Variants in HECW2 observed in about 807,000 individuals in gnomAD.
The protein encoded by HECW2 is HECT, C2 and WW domain containing E3 ubiquitin protein ligase 2, also known as E3 ubiquitin-protein ligase HECW2.
In HECW2, 61 loss-of-function variants were observed where a neutral mutation model predicts 175.2. The ratio of observed to expected loss-of-function variants is 0.35; its 90% CI spans 0.28 to 0.43. The LOEUF is 0.43. Among genes scored for constraint, HECW2 ranks in the 20% least tolerant of loss-of-function variants. HECW2 has a pLI of 1.00. For missense variants in HECW2, 1,524 were observed against 2,000.5 expected (o/e 0.76, Z 4.54); for synonymous variants, 671 against 731.0 (o/e 0.92, Z 1.32).
intron 1 of HECW2, among the ~76,000 whole-genome samples, chr2:196,475,177 T>C (rs924847547): frequency 6.6e-6 from 1 of 151,980 alleles, no homozygotes; most frequent in Non-Finnish European, 1.5e-5. Flanking sequence ...TGTACCCTTA[T>C]AGAGTTGAAC....
intron 19 of HECW2, among the ~76,000 whole-genome samples, chr2:196,251,671 T>C (rs1458440762): frequency 6.6e-6 from 1 of 152,174 alleles, no homozygotes; most frequent in Admixed American, 6.5e-5. Flanking sequence ...CTCAAAGTCC[T>C]GATGTCTCTG....
At chr2:196,588,275 G>A (rs781072522) in intron 1 of HECW2, among the ~76,000 whole-genome samples, 7 of 152,052 alleles carry the variant, frequency 4.6e-5, no homozygotes, top group Non-Finnish European at 7.4e-5. Context: ...ATACTAACCC[G>A]CAGATGGAGC....
intron 2 of HECW2, among the ~76,000 whole-genome samples, chr2:196,367,378 A>G (rs747532978): frequency 6.6e-6 from 1 of 152,184 alleles, no homozygotes; most frequent in Non-Finnish European, 1.5e-5. Context: ...GTAGGTGCCT[A>G]TATTTACAGG....
intron 2 of HECW2, among the ~76,000 whole-genome samples, chr2:196,386,752 T>C (rs1035398147): frequency 3.9e-5 from 6 of 152,126 alleles, no homozygotes; most frequent in Non-Finnish European, 7.4e-5. Flanking sequence ...ATAGTATCAT[T>C]AAATGTACAA....
Position 196,215,872 on chromosome 2 carries a change from G to T in HECW2, c.4600C>A (p.Leu1534Ile). 6.2e-7 allele frequency: 1 copy of T among 1,602,738 alleles called. No homozygotes were observed. The highest frequency in any genetic ancestry group is 1.1e-5 in the South Asian group (1 of 90,842). Residue 1534 changes from leucine to isoleucine, a missense_variant, in exon 28 of 29, where the codon CTT (leucine) becomes ATT (isoleucine). This residue lies in a region of HECW2 where 134 missense variants were observed against 287.8 expected (regional missense o/e 0.47). Transcript: ENST00000644978. ...TGTTATTTTATATTTTACCTGGGAA[G>T]AGCAGTGATTTTCCCCCATTTCTCC... Reference protein sequence around the residue: ...CVEKWGKITALPRAHTCFNRL... With the variant: ...CVEKWGKITAIPRAHTCFNRL...
rs769166378 is a variant in HECW2, at chr2:196,325,138, C to T, written c.583G>A (p.Val195Ile). 6.3e-7 allele frequency: 1 copy of T among 1,595,244 alleles called. No homozygotes were observed. The highest frequency in any genetic ancestry group is 1.1e-5 in the South Asian group (1 of 87,820). The change falls in exon 6 of 29, where the codon GTT becomes ATT. Residue 195 changes from valine to isoleucine, a missense_variant. Transcript: ENST00000644978. ...VSFTLSDLRA[V>I]GLKKGMFFNP... ...AAGAACATCCCTTTCTTTAGCCCAA[C>T]TGCCCTAAGATCTTTAAAGAAAGAG...
intron 21 of HECW2, among the ~76,000 whole-genome samples, chr2:196,228,605 C>T (rs1356327657): frequency 6.6e-6 from 1 of 152,168 alleles, no homozygotes; most frequent in Non-Finnish European, 1.5e-5. Context: ...CAAGCTTATA[C>T]AAAAAGGGAG....
chr2:196,222,096 T>C, intron 24 of HECW2, 115 bp downstream of exon 24: 1 of 882,606 alleles, frequency 1.1e-6, no homozygotes, highest in Non-Finnish European at 1.7e-6. Context: ...TGAGTTTAAA[T>C]CACCCAATAA....
At chr2:196,573,750 C>G (rs11892255) in intron 1 of HECW2, among the ~76,000 whole-genome samples, 20,459 of 151,916 alleles carry the variant, frequency 0.13, 1,438 homozygotes, top group Middle Eastern at 0.23. Context: ...GGAAACAGAA[C>G]AGTTCGACAA....
chr2:196,318,747 C>G lies in HECW2; in HGVS notation c.2143G>C (p.Gly715Arg). ...GSLPVVQVPS[G>R]EDEGPGAESA... ...TCTGCCCCTGGCCCTTCATCCTCCC[C>G]ACTGGGCACCTGTACCACAGGTAAA... The change falls in exon 9 of 29, where the codon GGG becomes CGG. Residue 715 changes from glycine to arginine, a missense_variant. Around this residue, in one of 11 missense-constraint regions of HECW2, gnomAD observed 604 missense variants for 588.3 expected, o/e 1.03. Transcript: ENST00000644978. 1 of 1,532,972 alleles carries G rather than the reference C, an allele frequency of 6.5e-7. No individual in the cohort carries two copies. Among genetic ancestry groups the G allele is most frequent in the Non-Finnish European group, 8.8e-7 (1 of 1,139,754 alleles). 95.0% of individuals were successfully genotyped at this position (1,532,972 alleles called of 1,614,324 possible).
intron 21 of HECW2, among the ~76,000 whole-genome samples, chr2:196,235,648 CT>C (rs757874073): frequency 7.7e-3 from 608 of 78,838 alleles, no homozygotes; most frequent in African/African-American, 0.021. Flanking sequence ...ATGCATTATT[CT>C]TTTTTTTTTT....
intron 28 of HECW2, among the ~76,000 whole-genome samples, chr2:196,211,893 A>G (rs1687300982): frequency 6.6e-6 from 1 of 152,054 alleles, no homozygotes; most frequent in Non-Finnish European, 1.5e-5. Flanking sequence ...CCCAGGCTGG[A>G]GTGCAGCATT....
chr2:196,445,918 A>C (rs970160587), intron 1 of HECW2, among the ~76,000 whole-genome samples: 2 of 152,206 alleles, frequency 1.3e-5, no homozygotes, highest in Non-Finnish European at 2.9e-5. Context: ...CTGAATGAAC[A>C]GCCTCCTTCC....
intron 24 of HECW2, among the ~76,000 whole-genome samples, chr2:196,221,210 G>A (rs79407015): frequency 0.027 from 4,100 of 152,142 alleles, 167 homozygotes; most frequent in African/African-American, 0.093. Context: ...CCGATGAATC[G>A]GCTTCAGATA....
chr2:196,210,687 C>A (rs192502527), intron 28 of HECW2, among the ~76,000 whole-genome samples: 3,072 of 151,988 alleles, frequency 0.02, 48 homozygotes, highest in Non-Finnish European at 0.033. Context: ...GATCTTGGCT[C>A]ACTGCAACCT....
chr2:196,402,995 C>T (rs150914070), intron 2 of HECW2, among the ~76,000 whole-genome samples: 1,679 of 152,090 alleles, frequency 0.011, 29 homozygotes, highest in African/African-American at 0.038. Context: ...TTCGTAGAGA[C>T]GGAGTTTCAC....
rs545147309 is a variant in HECW2, at chr2:196,545,254, T to C, written c.-36+48254A>G. 1.6e-4 allele frequency among the ~76,000 whole-genome samples: 24 copies of C among 152,286 alleles called. No homozygotes were observed. The South Asian group carries it at 4.6e-3, about 29-fold the overall frequency. ...TGATGAGAACTTATAATTTAGATGG[T>C]TGGGTGGGCACATGTCCCAGGACTG... On this transcript the variant is annotated intron_variant, in intron 1 of 28. Transcript: ENST00000644978.
chr2:196,387,454 T>C (rs1469175526), intron 2 of HECW2, among the ~76,000 whole-genome samples: 1 of 152,162 alleles, frequency 6.6e-6, no homozygotes, highest in African/African-American at 2.4e-5. Flanking sequence ...GCACCATCTG[T>C]GAGGAATAGG....
At chr2:196,241,538 G>C (rs887820941) in intron 20 of HECW2, among the ~76,000 whole-genome samples, 35 of 152,194 alleles carry the variant, frequency 2.3e-4, no homozygotes, top group African/African-American at 8.2e-4. Flanking sequence ...GCAGGGAGGA[G>C]AGAAAGAAGG....
Sources: allele counts gnomAD v4.1 joint callset (sites outside exome capture counted in the v4.1 genomes callset), GRCh38; gene constraint gnomAD v4.1.1; regional missense constraint gnomAD v4.1.1; transcripts MANE v1.5; gene names NCBI Gene and HGNC (gene_info 2026-07-23, HGNC 2026-07-21).